Variants in PPP2R2C observed in about 807,000 individuals in gnomAD.
The protein encoded by PPP2R2C is protein phosphatase 2, regulatory subunit B, gamma.
A neutral mutation model predicts 45.3 loss-of-function variants in PPP2R2C; 10 were observed. The ratio of observed to expected loss-of-function variants is 0.22; its 90% CI spans 0.14 to 0.37. The LOEUF is 0.37. PPP2R2C is among the 10% of genes least tolerant of loss of function. PPP2R2C has a pLI of 1.00. For missense variants in PPP2R2C, 308 were observed against 619.7 expected (o/e 0.50, Z 5.34); for synonymous variants, 257 against 245.4 (o/e 1.05, Z -0.44).
At chr4:6,367,085 C>A (rs533218010) in intron 5 of PPP2R2C, among the ~76,000 whole-genome samples, 1 of 151,998 alleles carries the variant, frequency 6.6e-6, no homozygotes, top group African/African-American at 2.4e-5. Flanking sequence ...GCTCCTCTTC[C>A]TTGAACCTTG....
chr4:6,515,319 G>A (rs1023073271), intron 2 of PPP2R2C, among the ~76,000 whole-genome samples: 1 of 152,182 alleles, frequency 6.6e-6, no homozygotes, highest in African/African-American at 2.4e-5. Context: ...GCACAGCTGG[G>A]AAGAGCATTC....
chr4:6,416,981 T>C (rs1309357504), intron 1 of PPP2R2C, among the ~76,000 whole-genome samples: 2 of 152,214 alleles, frequency 1.3e-5, no homozygotes, highest in East Asian at 3.9e-4. Flanking sequence ...CAGGGGCCAC[T>C]GTACTCTGCT....
In PPP2R2C at chr4:6,347,879, G is replaced by T. The variant is rs757919406; in HGVS notation, c.757C>A (p.Arg253=). The T allele has an allele frequency of 3.9e-6, 6 of 1,535,234 alleles. No individual in the cohort carries two copies. The highest frequency in any genetic ancestry group is 5.3e-6 in the Non-Finnish European group (6 of 1,130,518). ...TGCTTGTCACACAGGGCAGCTGCCC[G>T]CATGTCGCAGAGCCGCAGGGAGCCC... ...SKGSLRLCDM[R]AAALCDKHSK... is the part of the protein sequence containing the mutation. The change falls in exon 6 of 9, where the codon CGG becomes AGG. Residue 253 remains arginine (R), a synonymous_variant. Transcript: ENST00000382599.
Position 6,364,956 on chromosome 4 carries a change from A to T in PPP2R2C, c.625+7567T>A, listed in dbSNP as rs139184496. Among the ~76,000 whole-genome samples, 14 of 152,340 alleles carry T rather than the reference A, an allele frequency of 9.2e-5. No individual in the cohort carries two copies. The highest frequency in any genetic ancestry group is 3.4e-4 in the African/African-American group (14 of 41,578). On this transcript the variant is annotated intron_variant, in intron 5 of 8. Transcript: ENST00000382599. The surrounding 1 kb of genome is among the most constrained non-coding windows in gnomAD (Gnocchi z 5.3). ...GCTCACCTAGAAAGTTCACCTGGATAGCATCAGGATCCCCATTCACTCAGA... is the reference window on the plus strand; with the variant it reads ...GCTCACCTAGAAAGTTCACCTGGATTGCATCAGGATCCCCATTCACTCAGA...
At position 6,542,709 on chromosome 4, in the gene PPP2R2C, A is replaced by AAAAAAAAAG. The variant is rs112182178; in HGVS notation, c.-58-7333_-58-7332insCTTTTTTTT. ...CAGAGCAAGACTCTGTCTCAAAAAA[A>AAAAAAAAAG]AAAAAGAAAAAGAAAAAAAGATCAT... is the stretch of plus-strand genomic sequence containing the variant. On this transcript the variant is annotated intron_variant, in intron 1 of 9. Coordinates refer to the PPP2R2C transcript ENST00000506140. 1.9e-4 allele frequency among the ~76,000 whole-genome samples: 24 copies of AAAAAAAAAG among 127,814 alleles called. 6 individuals carry two copies. The highest frequency in any genetic ancestry group is 1.9e-4 in the Non-Finnish European group (12 of 62,634). 83.9% of individuals were successfully genotyped at this position (127,814 alleles called of 152,430 possible). A position where few individuals can be genotyped will look rare whatever the true frequency, so the allele number is the denominator to read the frequency against.
intron 1 of PPP2R2C, among the ~76,000 whole-genome samples, chr4:6,417,326 G>A (rs192359528): frequency 2.7e-4 from 41 of 152,340 alleles, no homozygotes; most frequent in African/African-American, 7.9e-4. Flanking sequence ...GACCCACCTC[G>A]GGGTTACGTG....
chr4:6,453,256 A>G (rs1409378660), intron 1 of PPP2R2C, among the ~76,000 whole-genome samples: 1 of 152,174 alleles, frequency 6.6e-6, no homozygotes, highest in East Asian at 1.9e-4. Context: ...ACCAGCAGTG[A>G]CACAGGATGG....
chr4:6,396,101 C>T lies in PPP2R2C; in HGVS notation c.71-15007G>A, dbSNP rs146906298. 1.3e-3 allele frequency among the ~76,000 whole-genome samples: 197 copies of T among 152,348 alleles called. 1 individual carries two copies. Among genetic ancestry groups the T allele is most frequent in the African/African-American group, 4.4e-3 (184 of 41,588 alleles). On this transcript the variant is annotated intron_variant, in intron 1 of 8. Transcript: ENST00000382599. ...ACCCTCGCGGCAGCCCTGGCAGGTGCGTGGCATGCTGCCAGCTTCCACATG... is the reference window on the plus strand; with the variant it reads ...ACCCTCGCGGCAGCCCTGGCAGGTGTGTGGCATGCTGCCAGCTTCCACATG...
chr4:6,547,774 G>T (rs532476775), intron 1 of PPP2R2C, among the ~76,000 whole-genome samples: 1 of 152,068 alleles, frequency 6.6e-6, no homozygotes, highest in Non-Finnish European at 1.5e-5. Context: ...AAAACGCAAC[G>T]GGACACAGGC....
At chr4:6,357,713 C>T (rs1008825022) in intron 5 of PPP2R2C, among the ~76,000 whole-genome samples, 23 of 152,198 alleles carry the variant, frequency 1.5e-4, no homozygotes, top group Admixed American at 1.5e-3. Context: ...GTACAAGGAG[C>T]TCCTCACCCT....
chr4:6,411,030 C>T (rs991406615), intron 1 of PPP2R2C, among the ~76,000 whole-genome samples: 1 of 152,004 alleles, frequency 6.6e-6, no homozygotes, highest in Non-Finnish European at 1.5e-5. Context: ...GCCACCACAC[C>T]TGGCTAATTT....
At chr4:6,490,527 C>A (rs774003653) in intron 2 of PPP2R2C, among the ~76,000 whole-genome samples, 15 of 152,198 alleles carry the variant, frequency 9.9e-5, no homozygotes, top group Non-Finnish European at 2.1e-4. Flanking sequence ...CCCAATCGTG[C>A]CTTGAGGGCT....
At chr4:6,508,404 G>C (rs1367040508) in intron 2 of PPP2R2C, among the ~76,000 whole-genome samples, 2 of 152,100 alleles carry the variant, frequency 1.3e-5, no homozygotes, top group Non-Finnish European at 2.9e-5. Context: ...GGCCAACATG[G>C]TGAAACCCTG....
chr4:6,486,960 G>A (rs1056242048), intron 2 of PPP2R2C, among the ~76,000 whole-genome samples: 4 of 151,840 alleles, frequency 2.6e-5, no homozygotes, highest in Non-Finnish European at 5.9e-5. Context: ...ATTAAGCATT[G>A]TTCAATTATT....
At chr4:6,355,993 GAAAAAAAAAA>G (rs61011461) in intron 5 of PPP2R2C, among the ~76,000 whole-genome samples, 3 of 97,882 alleles carry the variant, frequency 3.1e-5, no homozygotes, top group Admixed American at 1.3e-4. Flanking sequence ...ACTCTGCCTG[GAAAAAAAAAA>G]AAAAAAAAAA....
chr4:6,554,418 G>T (rs534522509), intron 1 of PPP2R2C, among the ~76,000 whole-genome samples: 2 of 152,128 alleles, frequency 1.3e-5, no homozygotes, highest in African/African-American at 4.8e-5. Context: ...TATCGTCTTC[G>T]TCCCAGACTG....
At chr4:6,406,420 T>A (rs769389568) in intron 1 of PPP2R2C, among the ~76,000 whole-genome samples, 1 of 152,234 alleles carries the variant, frequency 6.6e-6, no homozygotes, top group South Asian at 2.1e-4. Context: ...GGTTGAATGG[T>A]GCCCCACAAA....
At position 6,323,530 on chromosome 4, in the gene PPP2R2C, G is replaced by A. The variant is rs746873206; in HGVS notation, c.1116C>T (p.Asp372=). 6.3e-6 allele frequency: 10 copies of A among 1,596,652 alleles called. No individual in the cohort carries two copies. The East Asian group carries it at 6.8e-5, about 11-fold the overall frequency. Residue 372 remains aspartate (D), a synonymous_variant, in exon 9 of 9, where the codon GAC becomes GAT. Transcript: ENST00000382599. ...FRMFDRNTKR[D]VTLEASRESS... is the part of the protein sequence containing the mutation. ...TTTCCCTCGAGGCCTCCAGGGTCAC[G>A]TCCCGCTTGGTGTTCCGATCGAACA...
chr4:6,347,817 GC>G, intron 6 of PPP2R2C, 28 bp downstream of exon 6: 2 of 1,058,488 alleles, frequency 1.9e-6, no homozygotes. Flanking sequence ...CCAATGCACA[GC>G]CCCCCACCCC....
Sources: gnomAD v4.1 joint callset for allele counts (sites outside exome capture counted in the v4.1 genomes callset) on GRCh38, gnomAD v4.1.1 for gene constraint, Gnocchi (gnomAD v3.1) non-coding constraint, MANE v1.5 for transcripts, NCBI Gene and HGNC (gene_info 2026-07-23, HGNC 2026-07-21) for gene names.